DHRSX: variants seen among roughly 807,000 people sequenced by gnomAD.
DHRSX encodes the protein polyprenol dehydrogenase.
DHRSX carries 31 observed loss-of-function variants against 34.0 expected under a neutral mutation model. The observed-to-expected ratio is 0.91, with a 90% CI of 0.69 to 1.23. DHRSX has a LOEUF of 1.23. Among genes scored for constraint, DHRSX ranks in the 50% most tolerant of loss-of-function variants. DHRSX has a pLI of 0.00. For missense variants in DHRSX, 414 were observed against 428.1 expected (o/e 0.97, Z 0.29); for synonymous variants, 201 against 183.8 (o/e 1.09, Z -0.76).
At chrX:2,282,468 G>T (rs979039229) in intron 4 of DHRSX, among the ~76,000 whole-genome samples, 2 of 149,906 alleles carry the variant, frequency 1.3e-5, no homozygotes, top group African/African-American at 2.5e-5. Context: ...GGAGGAAAGA[G>T]AGAGAAGTGG....
intron 3 of DHRSX, among the ~76,000 whole-genome samples, chrX:2,345,589 T>C (rs1374569977): frequency 4.7e-5 from 7 of 150,324 alleles, no homozygotes; most frequent in Non-Finnish European, 1.0e-4. Context: ...AGAAGTTGCA[T>C]TGAGCCAAGA....
intron 3 of DHRSX, among the ~76,000 whole-genome samples, chrX:2,366,259 T>TAGTAA (rs372286347): frequency 5.3e-5 from 8 of 151,988 alleles, no homozygotes; most frequent in South Asian, 2.1e-4. Flanking sequence ...CTGGCCAACC[T>TAGTAA]AGTAAAACCC....
chrX:2,346,836 T>C (rs773042933), intron 3 of DHRSX, among the ~76,000 whole-genome samples: 1 of 152,100 alleles, frequency 6.6e-6, no homozygotes, highest in East Asian at 1.9e-4. Flanking sequence ...TGTGTGATGT[T>C]CCCCTCCCTG....
rs2043829580 is a variant in DHRSX at position 2,425,267 on chromosome X, C to T, written c.147G>A (p.Thr49=). The stretch of plus-strand genomic sequence containing the variant: ...AATAGCCAATGCCATCTGTCCCTCC[C>T]GTCACTATAGCGACACGGTCAGGTC... The part of the protein sequence containing the change: ...PPRPDRVAIV[T]GGTDGIGYST... Residue 49 remains threonine, a synonymous_variant, in exon 2 of 7, where the codon ACG becomes ACA. Transcript: ENST00000334651. 5.6e-6 allele frequency: 9 copies of T among 1,613,794 alleles called. No homozygotes were observed. The highest frequency in any genetic ancestry group is 2.7e-5 in the African/African-American group (2 of 74,908).
intron 3 of DHRSX, among the ~76,000 whole-genome samples, chrX:2,343,505 C>T (rs1212456844): frequency 6.6e-6 from 1 of 152,232 alleles, no homozygotes; most frequent in East Asian, 1.9e-4. Flanking sequence ...CAAACACCCT[C>T]TTCCATTGTC....
intron 1 of DHRSX, chrX:2,488,628 T>G: frequency 7.6e-6 from 12 of 1,588,696 alleles, no homozygotes; most frequent in Non-Finnish European, 1.0e-5. Flanking sequence ...GACAACACGC[T>G]TCCTCGCTAC....
chrX:2,361,839 C>A (rs1239072062), intron 3 of DHRSX, among the ~76,000 whole-genome samples: 4 of 152,200 alleles, frequency 2.6e-5, no homozygotes, highest in Admixed American at 6.5e-5. Context: ...ATGCAAATAT[C>A]TAATGAACAT....
intron 3 of DHRSX, among the ~76,000 whole-genome samples, chrX:2,319,776 C>T (rs1569488271): frequency 1.3e-5 from 2 of 151,964 alleles, no homozygotes; most frequent in Non-Finnish European, 2.9e-5. Flanking sequence ...CATAGATTTT[C>T]AACTGCATAG....
At chrX:2,296,529 AG>A (rs1398493217) in intron 3 of DHRSX, among the ~76,000 whole-genome samples, 12 of 137,180 alleles carry the variant, frequency 8.7e-5, no homozygotes, top group African/African-American at 3.8e-4. Context: ...AGACAGGAAT[AG>A]GACCCAGGCA....
chrX:2,396,381 T>TC (rs1390387018), intron 3 of DHRSX, among the ~76,000 whole-genome samples: 4 of 140,356 alleles, frequency 2.8e-5, no homozygotes, highest in African/African-American at 1.0e-4. Flanking sequence ...TTTTCTTTTT[T>TC]TTTTTTTTTT....
Position 2,489,699 on chromosome X carries a change from C to A in DHRSX, c.109+11118G>T, listed in dbSNP as rs368852894. The A allele has an allele frequency of 2.8e-5, 45 of 1,612,742 alleles. 1 individual carries two copies. The South Asian group carries it at 4.6e-4, about 17-fold the overall frequency. On this transcript the variant is annotated intron_variant, in intron 1 of 6. Coordinates refer to ENST00000334651, the MANE Select transcript of DHRSX (RefSeq NM_145177.3). Reference sequence around the variant, plus strand: ...TTGCTCACCAGCATGCAGTGGGCCACGTTCTGCTGCTTCTGCTTCTCATAG... The same window carrying A: ...TTGCTCACCAGCATGCAGTGGGCCAAGTTCTGCTGCTTCTGCTTCTCATAG...
chrX:2,426,615 C>T (rs186368566), intron 1 of DHRSX, among the ~76,000 whole-genome samples: 144 of 138,788 alleles, frequency 1.0e-3, no homozygotes, highest in African/African-American at 3.6e-3. Flanking sequence ...CTTTCCTTTC[C>T]TCTTTCCCTC....
chrX:2,409,613 G>GAAC (rs2043601274), intron 2 of DHRSX, among the ~76,000 whole-genome samples: 2 of 152,176 alleles, frequency 1.3e-5, no homozygotes, highest in African/African-American at 4.8e-5. Context: ...TCCAAGTGAG[G>GAAC]TTTCAGGAAC....
intron 1 of DHRSX, among the ~76,000 whole-genome samples, chrX:2,477,620 T>C (rs1320861963): frequency 1.3e-5 from 2 of 152,098 alleles, no homozygotes; most frequent in East Asian, 3.9e-4. Context: ...CCGAGGCGGA[T>C]GGATCACCTG....
At chrX:2,465,666 G>A (rs1469693963) in intron 1 of DHRSX, among the ~76,000 whole-genome samples, 1 of 151,598 alleles carries the variant, frequency 6.6e-6, no homozygotes, top group African/African-American at 2.4e-5. Flanking sequence ...AGAAAAATCA[G>A]GGTGTAGGGG....
chrX:2,381,440 G>C (rs7887014), intron 3 of DHRSX, among the ~76,000 whole-genome samples: 9,303 of 151,924 alleles, frequency 0.061, 649 homozygotes, highest in African/African-American at 0.17. Context: ...CTGACCAACA[G>C]GGAGAAACCC....
chrX:2,387,279 T>G (rs2043283100), intron 3 of DHRSX, among the ~76,000 whole-genome samples: 1 of 152,140 alleles, frequency 6.6e-6, no homozygotes, highest in Non-Finnish European at 1.5e-5. Flanking sequence ...GCAGCAGGGT[T>G]ATAGATGTAG....
rs1420586873 is a variant in DHRSX, at chrX:2,417,643, A to C, written c.217+7554T>G. Reference sequence around the variant, plus strand: ...GTCAATGTGACCTGACCCAACTAGAACTCATTGAGTCTTAACCCAACTAGA... The same window carrying C: ...GTCAATGTGACCTGACCCAACTAGACCTCATTGAGTCTTAACCCAACTAGA... On this transcript the variant is annotated intron_variant, in intron 2 of 6. Transcript: ENST00000334651. Among the ~76,000 whole-genome samples the C allele has an allele frequency of 2.0e-5, 3 of 150,152 alleles. No individual in the cohort carries two copies. In the East Asian group the frequency reaches 6.1e-4, roughly 30 times the overall value.
At chrX:2,260,381 G>A (rs896739017) in intron 5 of DHRSX, among the ~76,000 whole-genome samples, 5 of 151,802 alleles carry the variant, frequency 3.3e-5, no homozygotes, top group African/African-American at 4.8e-5. Context: ...GTGTGTGGCC[G>A]CATCACTCCA....
Sources: gnomAD v4.1 joint callset for allele counts (sites outside exome capture counted in the v4.1 genomes callset) on GRCh38, gnomAD v4.1.1 for gene constraint, MANE v1.5 for transcripts, NCBI Gene and HGNC (gene_info 2026-07-23, HGNC 2026-07-21) for gene names.